FTCDNL1: variants seen among roughly 807,000 people sequenced by gnomAD.
FTCDNL1 encodes the protein formiminotransferase cyclodeaminase N-terminal like, also known as formiminotransferase N-terminal subdomain-containing protein.
A neutral mutation model predicts 5.9 loss-of-function variants in FTCDNL1; 11 were observed. That is an observed-to-expected ratio of 1.87 (90% CI 1.18 to 3.10). The LOEUF (loss-of-function observed/expected upper bound fraction) is 3.10. Ranked by LOEUF, FTCDNL1 falls within the 30% of genes most tolerant of loss-of-function variation. The pLI, the probability that FTCDNL1 is intolerant of heterozygous loss-of-function variation, is 0.00. For synonymous variants in FTCDNL1, 58 were observed against 24.8 expected (o/e 2.34, Z -3.99); for missense variants, 115 against 65.5 (o/e 1.76, Z -2.61).
intron 3 of FTCDNL1, among the ~76,000 whole-genome samples, chr2:199,775,017 C>T (rs901086118): frequency 6.6e-6 from 1 of 152,168 alleles, no homozygotes; most frequent in Non-Finnish European, 1.5e-5. Flanking sequence ...CCCTGTTCAC[C>T]ACTGATCAAG....
At chr2:199,797,546 G>A (rs1700232248) in intron 3 of FTCDNL1, among the ~76,000 whole-genome samples, 1 of 152,198 alleles carries the variant, frequency 6.6e-6, no homozygotes, top group African/African-American at 2.4e-5. Flanking sequence ...AGGAAAGAAT[G>A]AGATACTGTA....
the FTCDNL1 span, among the ~76,000 whole-genome samples, chr2:199,754,713 G>A: frequency 6.6e-6 from 1 of 152,152 alleles, no homozygotes; most frequent in African/African-American, 2.4e-5. Context: ...TGAATCCTGT[G>A]AACGTTGTTC....
the FTCDNL1 span, among the ~76,000 whole-genome samples, chr2:199,742,033 G>A: frequency 1.3e-5 from 2 of 151,858 alleles, no homozygotes; most frequent in South Asian, 2.1e-4. Context: ...CCTACCCTCC[G>A]CCCTCATATG....
intron 3 of FTCDNL1, among the ~76,000 whole-genome samples, chr2:199,794,050 T>A (rs529204843): frequency 6.6e-6 from 1 of 152,338 alleles, no homozygotes; most frequent in South Asian, 2.1e-4. Context: ...TGGACTCTGA[T>A]GTGTCTTAGA....
chr2:199,834,789 A>C (rs1702608118), intron 3 of FTCDNL1, among the ~76,000 whole-genome samples: 1 of 152,170 alleles, frequency 6.6e-6, no homozygotes, highest in Non-Finnish European at 1.5e-5. Flanking sequence ...GAGGGAGTGA[A>C]GTGACCTTCT....
the FTCDNL1 span, among the ~76,000 whole-genome samples, chr2:199,682,484 C>G: frequency 6.6e-6 from 1 of 152,134 alleles, no homozygotes; most frequent in South Asian, 2.1e-4. Context: ...AATAAAAAGA[C>G]AGCCTGCATT....
At chr2:199,741,460 T>C in the FTCDNL1 span, among the ~76,000 whole-genome samples, 1 of 152,162 alleles carries the variant, frequency 6.6e-6, no homozygotes, top group Admixed American at 6.5e-5. Flanking sequence ...TAAGAACTAA[T>C]TCAACATTTT....
In FTCDNL1 at chr2:199,823,876, C is replaced by G. The variant is rs577049661; in HGVS notation, c.212-4119G>C. Among the ~76,000 whole-genome samples the G allele has an allele frequency of 2.0e-5, 3 of 152,324 alleles. No homozygotes were observed. In the South Asian group the frequency reaches 6.2e-4, roughly 32 times the overall value. ...AATCAGCCTGTTCTTTGAAGCCAGG[C>G]ATTGACTTCTCTCTAGCTATGAAAC... On this transcript the variant is annotated intron_variant, in intron 3 of 4. Coordinates refer to ENST00000420128, the MANE Select transcript of FTCDNL1 (RefSeq NM_001363886.2).
chr2:199,700,557 A>G, the FTCDNL1 span, among the ~76,000 whole-genome samples: 3 of 152,232 alleles, frequency 2.0e-5, no homozygotes, highest in Admixed American at 6.5e-5. Context: ...TAAAATTAAT[A>G]TGGAATCAAA....
chr2:199,747,060 CACACAT>C, the FTCDNL1 span, among the ~76,000 whole-genome samples: 127 of 148,952 alleles, frequency 8.5e-4, 2 homozygotes, highest in African/African-American at 2.8e-3. Context: ...CACACACACA[CACACAT>C]ACACACACAA....
chr2:199,702,842 C>T, the FTCDNL1 span, among the ~76,000 whole-genome samples: 22 of 152,038 alleles, frequency 1.4e-4, no homozygotes, highest in Admixed American at 1.1e-3. Flanking sequence ...GAAGTGAGGA[C>T]GGGAGCCCTG....
At chr2:199,755,825 G>A (rs1200775438), downstream of FTCDNL1, among the ~76,000 whole-genome samples, 1 of 152,144 alleles carries the variant, frequency 6.6e-6, no homozygotes, top group Non-Finnish European at 1.5e-5. Context: ...CGAGGATTAA[G>A]CATTTAAAGA....
intron 3 of FTCDNL1, among the ~76,000 whole-genome samples, chr2:199,784,257 C>T (rs1699523477): frequency 6.6e-6 from 1 of 152,140 alleles, no homozygotes; most frequent in South Asian, 2.1e-4. Flanking sequence ...TTCCAAAGTC[C>T]TTGTAATTAC....
chr2:199,776,099 A>G (rs951448586), intron 3 of FTCDNL1, among the ~76,000 whole-genome samples: 1 of 152,154 alleles, frequency 6.6e-6, no homozygotes, highest in South Asian at 2.1e-4. Context: ...TTTTTAGTAG[A>G]GATGGGGTTT....
At chr2:199,742,732 G>C in the FTCDNL1 span, among the ~76,000 whole-genome samples, 1 of 152,224 alleles carries the variant, frequency 6.6e-6, no homozygotes. Flanking sequence ...ACAACAGGTG[G>C]AAGCAGAGTT....
chr2:199,710,495 C>A, the FTCDNL1 span, among the ~76,000 whole-genome samples: 1 of 152,002 alleles, frequency 6.6e-6, no homozygotes, highest in African/African-American at 2.4e-5. Context: ...AGCTTGGGAG[C>A]AATAAGTCAG....
chr2:199,841,636 CATGCTGTCAA>C (rs1176634829), intron 3 of FTCDNL1, among the ~76,000 whole-genome samples: 6 of 152,020 alleles, frequency 3.9e-5, no homozygotes, highest in Non-Finnish European at 8.8e-5. Flanking sequence ...CAACCTTTTA[CATGCTGTCAA>C]ATGACAGCAT....
downstream of FTCDNL1, among the ~76,000 whole-genome samples, chr2:199,755,557 T>C (rs1196000634): frequency 6.6e-6 from 1 of 152,200 alleles, no homozygotes; most frequent in Non-Finnish European, 1.5e-5. Context: ...AGTTTAGGGA[T>C]TACAAATGAT....
chr2:199,751,172 C>A, the FTCDNL1 span, among the ~76,000 whole-genome samples: 2 of 152,198 alleles, frequency 1.3e-5, no homozygotes, highest in Non-Finnish European at 2.9e-5. Context: ...ATAATGCAGG[C>A]CACCTGCTTC....
Sources: allele counts gnomAD v4.1 joint callset (sites outside exome capture counted in the v4.1 genomes callset), GRCh38; gene constraint gnomAD v4.1.1; transcripts MANE v1.5; gene names NCBI Gene and HGNC (gene_info 2026-07-23, HGNC 2026-07-21).